Variants in NEO1 observed in about 807,000 individuals in gnomAD.
The protein encoded by NEO1 is neogenin.
A neutral mutation model predicts 159.7 loss-of-function variants in NEO1; 63 were observed. That is an observed-to-expected ratio of 0.39 (90% CI 0.32 to 0.49). NEO1 has a LOEUF of 0.49. NEO1 is among the 20% of genes least tolerant of loss of function. The pLI is 0.85. For missense variants in NEO1, 1,615 were observed against 1,831.0 expected (o/e 0.88, Z 2.15); for synonymous variants, 633 against 662.0 (o/e 0.96, Z 0.67).
intron 1 of NEO1, among the ~76,000 whole-genome samples, chr15:73,109,358 T>TG (rs1039660275): frequency 1.3e-4 from 20 of 152,132 alleles, no homozygotes; most frequent in African/African-American, 4.6e-4. Flanking sequence ...TCCTGTTTGA[T>TG]GGGGGAGAAA....
intron 25 of NEO1, 91 bp from the exon 26 acceptor site, chr15:73,293,299 G>C: frequency 1.3e-6 from 2 of 1,490,222 alleles, no homozygotes; most frequent in Non-Finnish European, 1.8e-6. Context: ...TGTATGGGAG[G>C]TGGGAAGGGG....
At chr15:73,267,802 G>C (rs754940342) in intron 16 of NEO1, among the ~76,000 whole-genome samples, 1 of 151,990 alleles carries the variant, frequency 6.6e-6, no homozygotes, top group Non-Finnish European at 1.5e-5. Flanking sequence ...TGGACATTTG[G>C]GTTGGTTCCA....
intron 1 of NEO1, among the ~76,000 whole-genome samples, chr15:73,062,288 A>G (rs2068016222): frequency 6.6e-6 from 1 of 152,268 alleles, no homozygotes; most frequent in East Asian, 1.9e-4. Flanking sequence ...TCAGATTTTT[A>G]TTGATGGTTT....
intron 9 of NEO1, among the ~76,000 whole-genome samples, chr15:73,247,526 A>G (rs1458071983): frequency 6.6e-6 from 1 of 152,208 alleles, no homozygotes; most frequent in Non-Finnish European, 1.5e-5. Flanking sequence ...TATGCCCTTA[A>G]CTGAAGTGAA....
intron 1 of NEO1, among the ~76,000 whole-genome samples, chr15:73,097,768 G>T (rs1312863282): frequency 3.0e-5 from 4 of 133,326 alleles, no homozygotes; most frequent in Non-Finnish European, 1.5e-5. Flanking sequence ...CCCAGACCTG[G>T]AACTAGCCTT....
chr15:73,139,265 G>C (rs1430514790), intron 5 of NEO1, among the ~76,000 whole-genome samples: 3 of 151,994 alleles, frequency 2.0e-5, no homozygotes. Context: ...TCTTTGCAAA[G>C]ACCAACGTTT....
chr15:73,111,905 G>C (rs1247907410), intron 1 of NEO1, among the ~76,000 whole-genome samples: 1 of 152,118 alleles, frequency 6.6e-6, no homozygotes, highest in East Asian at 1.9e-4. Flanking sequence ...AAAGTGCTGG[G>C]ATTACAAGGG....
intron 5 of NEO1, among the ~76,000 whole-genome samples, chr15:73,163,189 A>G (rs1230828672): frequency 6.6e-6 from 1 of 152,172 alleles, no homozygotes; most frequent in African/African-American, 2.4e-5. Flanking sequence ...AAGAATGTGA[A>G]TGACAACAAA....
chr15:73,145,200 A>T (rs1159182041), intron 5 of NEO1, among the ~76,000 whole-genome samples: 4 of 152,230 alleles, frequency 2.6e-5, no homozygotes, highest in Non-Finnish European at 2.9e-5. Flanking sequence ...TGGCCAGTTG[A>T]CCTGAAAAGA....
intron 1 of NEO1, among the ~76,000 whole-genome samples, chr15:73,076,286 G>A (rs2068762676): frequency 6.6e-6 from 1 of 152,160 alleles, no homozygotes; most frequent in Non-Finnish European, 1.5e-5. Flanking sequence ...CGCAGAGACT[G>A]TGAAGAAAAT....
intron 1 of NEO1, among the ~76,000 whole-genome samples, chr15:73,072,674 A>G (rs1190265016): frequency 1.3e-5 from 2 of 152,152 alleles, no homozygotes; most frequent in Admixed American, 6.5e-5. Flanking sequence ...TGACCATCAT[A>G]ATACATGAAG....
intron 5 of NEO1, among the ~76,000 whole-genome samples, chr15:73,153,180 G>A (rs1361975404): frequency 2.6e-5 from 4 of 152,140 alleles, no homozygotes; most frequent in Admixed American, 2.0e-4. Context: ...TCATTGGACT[G>A]GATGATGCCA....
At chr15:73,259,061 A>G (rs2040496490) in intron 14 of NEO1, 185 bp downstream of exon 14, 1 of 539,556 alleles carries the variant, frequency 1.9e-6, no homozygotes, top group South Asian at 2.5e-5. Context: ...TGCCTTGTAG[A>G]GAACTGTCCT....
intron 1 of NEO1, among the ~76,000 whole-genome samples, chr15:73,104,795 A>AAGGTGG (rs1489286770): frequency 1.3e-5 from 2 of 152,120 alleles, no homozygotes; most frequent in Non-Finnish European, 1.5e-5. Flanking sequence ...GTGGAAGGTG[A>AAGGTGG]AGGTGGAGCA....
At chr15:73,092,396 A>C (rs2069743111) in intron 1 of NEO1, among the ~76,000 whole-genome samples, 1 of 152,218 alleles carries the variant, frequency 6.6e-6, no homozygotes, top group Non-Finnish European at 1.5e-5. Flanking sequence ...GTTATCTAAC[A>C]AATAACTTAT....
chr15:73,185,861 A>G (rs1229500570), intron 7 of NEO1, among the ~76,000 whole-genome samples: 1 of 152,154 alleles, frequency 6.6e-6, no homozygotes, highest in Admixed American at 6.6e-5. Context: ...AGTAAATGGG[A>G]GTCTCACAGG....
rs559857295 is a variant in NEO1 at position 73,068,318 on chromosome 15, T to A, written c.130+15513T>A. Among the ~76,000 whole-genome samples the A allele has an allele frequency of 4.3e-3, 458 of 106,902 alleles. 4 individuals carry two copies. Among genetic ancestry groups the A allele is most frequent in the African/African-American group, 0.014 (435 of 30,352 alleles). 70.1% of individuals were successfully genotyped at this position (106,902 alleles called of 152,430 possible). On this transcript the variant is annotated intron_variant, in intron 1 of 28. Coordinates refer to ENST00000261908, the MANE Select transcript of NEO1 (RefSeq NM_002499.4). ...CTCACTGCAACCTCTGCCTCTTGGG[T>A]TCAAGTGATTCTAGTGCCCAATAGC...
chr15:73,062,086 T>C (rs2068007465), intron 1 of NEO1, among the ~76,000 whole-genome samples: 1 of 152,190 alleles, frequency 6.6e-6, no homozygotes, highest in Non-Finnish European at 1.5e-5. Context: ...TGTAGTCACA[T>C]TATTTCCAAA....
At chr15:73,094,170 A>C (rs2069865282) in intron 1 of NEO1, among the ~76,000 whole-genome samples, 1 of 152,156 alleles carries the variant, frequency 6.6e-6, no homozygotes, top group Non-Finnish European at 1.5e-5. Flanking sequence ...CCATTGCCGC[A>C]ATCAATTTTA....
Sources: gnomAD v4.1 joint callset for allele counts (sites outside exome capture counted in the v4.1 genomes callset) on GRCh38, gnomAD v4.1.1 for gene constraint, MANE v1.5 for transcripts, NCBI Gene and HGNC (gene_info 2026-07-23, HGNC 2026-07-21) for gene names.